KCTD4: variants seen among roughly 807,000 people sequenced by gnomAD.
The protein encoded by KCTD4 is potassium channel tetramerization domain containing 4, also known as BTB/POZ domain-containing protein KCTD4.
In KCTD4, 12 loss-of-function variants were observed where a neutral mutation model predicts 18.3. That is an observed-to-expected ratio of 0.66 (90% CI 0.42 to 1.06). The LOEUF is 1.06. KCTD4 is among the 50% of genes least tolerant of loss of function. The pLI is 0.00. For missense variants in KCTD4, 250 were observed against 303.4 expected (o/e 0.82, Z 1.31); for synonymous variants, 124 against 110.5 (o/e 1.12, Z -0.76).
intron 1 of KCTD4, among the ~76,000 whole-genome samples, chr13:45,197,725 G>T (rs977957973): frequency 6.6e-6 from 1 of 152,048 alleles, no homozygotes; most frequent in African/African-American, 2.4e-5. Flanking sequence ...GTGGCGAGTG[G>T]GTGTTGCTTG....
intron 1 of KCTD4, among the ~76,000 whole-genome samples, chr13:45,200,159 T>C (rs907061910): frequency 6.6e-6 from 1 of 152,104 alleles, no homozygotes; most frequent in East Asian, 1.9e-4. Context: ...TGATGAAATA[T>C]TTGAGCAGCT....
intron 1 of KCTD4, among the ~76,000 whole-genome samples, chr13:45,200,328 A>G (rs1873113444): frequency 6.6e-6 from 1 of 152,072 alleles, no homozygotes; most frequent in Non-Finnish European, 1.5e-5. Context: ...TATAAAATTA[A>G]ATTTTATTTT....
At chr13:45,200,800 A>G (rs1006539141) in intron 1 of KCTD4, among the ~76,000 whole-genome samples, 24 bp downstream of exon 1, 1 of 152,330 alleles carries the variant, frequency 6.6e-6, no homozygotes, top group East Asian at 1.9e-4. Context: ...GGAATATTAA[A>G]AATGGTTTGC....
At position 45,194,074 on chromosome 13, in the gene KCTD4, A is replaced by G; in HGVS notation, c.494T>C (p.Ile165Thr). 1 of 1,614,150 alleles carries G rather than the reference A, an allele frequency of 6.2e-7. No homozygotes were observed. The highest frequency in any genetic ancestry group is 8.5e-7 in the Non-Finnish European group (1 of 1,180,016). The change falls in exon 2 of 2, where the codon ATA becomes ACA. Residue 165 changes from isoleucine (I) to threonine (T), a missense_variant. Ile to Thr is a moderately conservative substitution (Grantham distance 89). Coordinates refer to ENST00000379108, the MANE Select transcript of KCTD4 (RefSeq NM_198404.3). Reference sequence around the variant, plus strand: ...AACAATGCGAGACTTTATTTTTGATATGAAATCAGGAGCATTACAGAAGAT... The same window carrying G: ...AACAATGCGAGACTTTATTTTTGATGTGAAATCAGGAGCATTACAGAAGAT... ...LRIFCNAPDFISKIKSRIVLV... is the reference protein window; with the variant it reads ...LRIFCNAPDFTSKIKSRIVLV...
chr13:45,198,238 C>T (rs144291743), intron 1 of KCTD4, among the ~76,000 whole-genome samples: 10 of 152,332 alleles, frequency 6.6e-5, no homozygotes, highest in African/African-American at 2.4e-4. Flanking sequence ...CAGGAATTCC[C>T]ATCTTTTTAC....
rs1014611546 is a variant in KCTD4 at position 45,192,900 on chromosome 13, A to G, written c.*888T>C. On this transcript the variant is annotated 3_prime_UTR_variant, in exon 2 of 2. Coordinates refer to ENST00000379108, the MANE Select transcript of KCTD4 (RefSeq NM_198404.3). ...TATTCTAATAACAGATACTCTATTG[A>G]GACTAAGTTACCCATGCTTTGTGGG... is the stretch of plus-strand genomic sequence containing the variant. 6.6e-6 allele frequency: 1 copy of G among 152,196 alleles called. No individual in the cohort carries two copies. Among genetic ancestry groups the G allele is most frequent in the African/African-American group, 2.4e-5 (1 of 41,454 alleles). The allele number at this position is 152,196 out of a possible 1,614,324, so 9.4% of individuals were successfully genotyped here. A position where few individuals can be genotyped will look rare whatever the true frequency, so the allele number is the denominator to read the frequency against.
rs1388311989 is a variant in KCTD4, at chr13:45,193,166, A to T, written c.*622T>A. 1.3e-5 allele frequency: 2 copies of T among 152,262 alleles called. No individual in the cohort carries two copies. Among genetic ancestry groups the T allele is most frequent in the African/African-American group, 4.8e-5 (2 of 41,472 alleles). The allele number at this position is 152,262 out of a possible 1,614,324, so 9.4% of individuals were successfully genotyped here. A position where few individuals can be genotyped will look rare whatever the true frequency, so the allele number is the denominator to read the frequency against. Reference sequence around the variant, plus strand: ...CAGTTTTCTAGGAATTTTCAGCAAAATACCAATTCAGCTATAAGTCTAATA... The same window carrying T: ...CAGTTTTCTAGGAATTTTCAGCAAATTACCAATTCAGCTATAAGTCTAATA... On this transcript the variant is annotated 3_prime_UTR_variant, in exon 2 of 2. Transcript: ENST00000379108.
chr13:45,199,803 C>A (rs1310904767), intron 1 of KCTD4, among the ~76,000 whole-genome samples: 1 of 152,164 alleles, frequency 6.6e-6, no homozygotes, highest in Non-Finnish European at 1.5e-5. Flanking sequence ...AAGAGGGTCT[C>A]TGTTACCGTA....
At chr13:45,199,229 C>T (rs1873053646) in intron 1 of KCTD4, among the ~76,000 whole-genome samples, 1 of 152,166 alleles carries the variant, frequency 6.6e-6, no homozygotes, top group Non-Finnish European at 1.5e-5. Context: ...CAAGGAAGCC[C>T]AGGAAAATTG....
intron 1 of KCTD4, among the ~76,000 whole-genome samples, chr13:45,200,130 A>G (rs1424621391): frequency 1.3e-5 from 2 of 152,148 alleles, no homozygotes; most frequent in Non-Finnish European, 2.9e-5. Context: ...TGCTATTACA[A>G]ATGATAGCAT....
intron 1 of KCTD4, among the ~76,000 whole-genome samples, chr13:45,198,538 CT>C (rs1460544390): frequency 2.0e-5 from 3 of 152,178 alleles, no homozygotes; most frequent in Non-Finnish European, 2.9e-5. Context: ...ACATTCTCCC[CT>C]GCTATCAAAT....
intron 1 of KCTD4, among the ~76,000 whole-genome samples, chr13:45,196,202 A>G (rs1872883166): frequency 6.6e-6 from 1 of 152,226 alleles, no homozygotes; most frequent in Non-Finnish European, 1.5e-5. Context: ...ACTAAGGCAT[A>G]ATGTTTTTAG....
At position 45,193,641 on chromosome 13, in the gene KCTD4, A is replaced by T; in HGVS notation, c.*147T>A. The T allele has an allele frequency of 1.5e-6, 1 of 676,094 alleles. No individual in the cohort carries two copies. Among genetic ancestry groups the T allele is most frequent in the Non-Finnish European group, 2.5e-6 (1 of 404,428 alleles). 41.9% of individuals were successfully genotyped at this position (676,094 alleles called of 1,614,324 possible). ...AAGGACATCTTTAGCGATAGAATTT[A>T]CATACCGTTAGCTCACAGTAATTGA... On this transcript the variant is annotated 3_prime_UTR_variant, in exon 2 of 2. Transcript: ENST00000379108.
At position 45,193,896 on chromosome 13, in the gene KCTD4, C is replaced by G. The variant is rs1566130326; in HGVS notation, c.672G>C (p.Lys224Asn). The change falls in exon 2 of 2, where the codon AAG becomes AAC. Residue 224 changes from lysine to asparagine, a missense_variant. Lys to Asn is a moderately conservative substitution (Grantham distance 94, BLOSUM62 0). Transcript: ENST00000379108. The part of the protein sequence containing the change: ...NTFVCTLETL[K>N]FEAIMMALKC... ...TTAAAGCCATCATGATAGCCTCAAACTTAAGAGTTTCCAAGGTACAGACAA... is the reference window on the plus strand; with the variant it reads ...TTAAAGCCATCATGATAGCCTCAAAGTTAAGAGTTTCCAAGGTACAGACAA... The G allele has an allele frequency of 1.2e-6, 2 of 1,614,136 alleles. No individual in the cohort carries two copies. Among genetic ancestry groups the G allele is most frequent in the Non-Finnish European group, 1.7e-6 (2 of 1,179,994 alleles).
At chr13:45,195,086 A>G (rs764786870) in intron 1 of KCTD4, among the ~76,000 whole-genome samples, 1 of 152,122 alleles carries the variant, frequency 6.6e-6, no homozygotes, top group Non-Finnish European at 1.5e-5. Context: ...GGTGTATACA[A>G]TTTTCTTTCC....
chr13:45,195,346 T>C lies in KCTD4; in HGVS notation c.-187-592A>G, dbSNP rs573551138. Among the ~76,000 whole-genome samples the C allele has an allele frequency of 8.5e-5, 13 of 152,326 alleles. No homozygotes were observed. The East Asian group carries it at 2.5e-3, about 29-fold the overall frequency. On this transcript the variant is annotated intron_variant, in intron 1 of 1. Transcript: ENST00000379108. The stretch of plus-strand genomic sequence containing the variant: ...CACTTAATTTTTTTGCTTAAGATTT[T>C]CTGTGGAAAATTCATGAACTTGTTT...
At chr13:45,200,740 CA>C (rs1225500734) in intron 1 of KCTD4, among the ~76,000 whole-genome samples, 83 bp downstream of exon 1, 4 of 151,914 alleles carry the variant, frequency 2.6e-5, no homozygotes, top group Non-Finnish European at 5.9e-5. Context: ...GAACCACAGG[CA>C]AAAAAACTTC....
At chr13:45,197,709 TA>T (rs1381060249) in intron 1 of KCTD4, among the ~76,000 whole-genome samples, 1 of 152,106 alleles carries the variant, frequency 6.6e-6, no homozygotes, top group East Asian at 1.9e-4. Flanking sequence ...ATTTACTTGC[TA>T]GGGGGTGGCG....
chr13:45,195,905 C>G (rs1872868903), intron 1 of KCTD4, among the ~76,000 whole-genome samples: 1 of 152,166 alleles, frequency 6.6e-6, no homozygotes, highest in Admixed American at 6.5e-5. Flanking sequence ...ATCTGCCCAC[C>G]TCAGCCTCCC....
Sources: gnomAD v4.1 joint callset for allele counts (sites outside exome capture counted in the v4.1 genomes callset) on GRCh38, gnomAD v4.1.1 for gene constraint, MANE v1.5 for transcripts, NCBI Gene and HGNC (gene_info 2026-07-23, HGNC 2026-07-21) for gene names.